Variants in TNRC6B observed in about 807,000 individuals in gnomAD.
TNRC6B encodes the protein trinucleotide repeat containing adaptor 6B.
TNRC6B carries 52 observed loss-of-function variants against 203.6 expected under a neutral mutation model. The observed-to-expected ratio is 0.26, with a 90% CI of 0.20 to 0.32. The LOEUF is 0.32. TNRC6B is among the 10% of genes least tolerant of loss of function. The pLI is 1.00. For missense variants in TNRC6B, 1,923 were observed against 2,286.2 expected (o/e 0.84, Z 3.24); for synonymous variants, 838 against 845.7 (o/e 0.99, Z 0.16).
At position 40,261,414 on chromosome 22, in the gene TNRC6B, T is replaced by G. The variant is rs145473748; in HGVS notation, c.116-418T>G. ...CAACATAGTGAAAACCTGTCTGTACTAAAAATACAAAAAATTAGCTGGTTT... is the reference window on the plus strand; with the variant it reads ...CAACATAGTGAAAACCTGTCTGTACGAAAAATACAAAAAATTAGCTGGTTT... On this transcript the variant is annotated intron_variant, in intron 3 of 22. Transcript: ENST00000454349. 4.9e-3 allele frequency among the ~76,000 whole-genome samples: 746 copies of G among 152,082 alleles called. 4 individuals are homozygous for G. The highest frequency in any genetic ancestry group is 0.017 in the African/African-American group (705 of 41,468).
At chr22:40,178,188 C>G (rs370694901) in intron 1 of TNRC6B, 48 bp downstream of exon 1, 18 of 1,603,240 alleles carry the variant, frequency 1.1e-5, no homozygotes, top group Non-Finnish European at 1.5e-5. Flanking sequence ...TTATATGGAT[C>G]TTGTCTAACC....
intron 1 of TNRC6B, among the ~76,000 whole-genome samples, chr22:40,093,033 GA>G (rs1300391501): frequency 1.3e-5 from 2 of 152,138 alleles, no homozygotes; most frequent in African/African-American, 4.8e-5. Context: ...AGATATATTT[GA>G]AAAAGAACCA....
At chr22:40,171,141 A>C (rs2068992848) in intron 4 of TNRC6B, among the ~76,000 whole-genome samples, 1 of 148,164 alleles carries the variant, frequency 6.7e-6, no homozygotes, top group Non-Finnish European at 1.5e-5. Context: ...TGTGATGAAC[A>C]TTTTATAAAT....
intron 2 of TNRC6B, among the ~76,000 whole-genome samples, chr22:40,250,801 T>C (rs557929450): frequency 1.3e-5 from 2 of 152,194 alleles, no homozygotes; most frequent in Non-Finnish European, 2.9e-5. Flanking sequence ...GTGTCTATAC[T>C]CATAGGGGAA....
intron 1 of TNRC6B, among the ~76,000 whole-genome samples, chr22:40,179,583 A>G (rs1381230124): frequency 6.6e-6 from 1 of 152,248 alleles, no homozygotes; most frequent in Non-Finnish European, 1.5e-5. Flanking sequence ...AAAGCTAATT[A>G]AGCATAAATG....
chr22:40,297,208 A>G (rs2070956144), intron 12 of TNRC6B, among the ~76,000 whole-genome samples: 1 of 152,232 alleles, frequency 6.6e-6, no homozygotes, highest in Non-Finnish European at 1.5e-5. Context: ...AGATGGAAAT[A>G]TATTGGCTAA....
intron 1 of TNRC6B, among the ~76,000 whole-genome samples, chr22:40,058,423 GCACAATGTGA>G (rs2067819560): frequency 9.0e-6 from 1 of 111,156 alleles, no homozygotes; most frequent in South Asian, 2.3e-4. Flanking sequence ...ATGTGCTTTA[GCACAATGTGA>G]CACAATGTGC....
chr22:40,322,654 C>A (rs2146581732), intron 22 of TNRC6B, among the ~76,000 whole-genome samples, 200 bp from the exon 23 acceptor site: 1 of 152,290 alleles, frequency 6.6e-6, no homozygotes, highest in East Asian at 1.9e-4. Context: ...TCTTAATTAC[C>A]TGGCGGTCTG....
At chr22:40,280,688 CTG>C (rs2070711180) in intron 10 of TNRC6B, among the ~76,000 whole-genome samples, 2 of 152,192 alleles carry the variant, frequency 1.3e-5, no homozygotes, top group South Asian at 2.1e-4. Context: ...TACCAATTTG[CTG>C]TGTTCCTGAT....
intron 1 of TNRC6B, among the ~76,000 whole-genome samples, chr22:40,197,299 A>G (rs781455355): frequency 6.7e-6 from 1 of 150,102 alleles, no homozygotes; most frequent in Admixed American, 6.6e-5. Context: ...TTTTTTTTTG[A>G]GACAGAGTCT....
chr22:40,280,426 TTTTTCCGCTGCTGTGC>T lies in TNRC6B; in HGVS notation c.3411+284_3411+299del, dbSNP rs1477860229. ...TAGAGATAAACTTACTCTGCATTCT[TTTTTCCGCTGCTGTGC>T]AGCTACAAAATAAATTTTGGGATTT... On this transcript the variant is annotated intron_variant, in intron 10 of 22. Coordinates refer to ENST00000454349, the MANE Select transcript of TNRC6B (RefSeq NM_001162501.2). 7.2e-5 allele frequency among the ~76,000 whole-genome samples: 11 copies of T among 152,372 alleles called. No individual in the cohort carries two copies. The East Asian group carries it at 1.7e-3, about 24-fold the overall frequency.
chr22:40,295,763 G>A (rs2070930785), intron 12 of TNRC6B, among the ~76,000 whole-genome samples: 1 of 152,200 alleles, frequency 6.6e-6, no homozygotes, highest in Non-Finnish European at 1.5e-5. Context: ...AGAACCTTTA[G>A]AGTTTGGTTT....
At chr22:40,094,987 T>G (rs1742146855) in intron 1 of TNRC6B, among the ~76,000 whole-genome samples, 1 of 152,214 alleles carries the variant, frequency 6.6e-6, no homozygotes, top group Admixed American at 6.5e-5. Context: ...ATCAACACTC[T>G]TTCCAAACAT....
intron 1 of TNRC6B, among the ~76,000 whole-genome samples, chr22:40,183,886 A>G (rs968825792): frequency 6.6e-6 from 1 of 152,094 alleles, no homozygotes; most frequent in Non-Finnish European, 1.5e-5. Flanking sequence ...TAGTAGATAC[A>G]GTGTTTCGGC....
intron 1 of TNRC6B, among the ~76,000 whole-genome samples, chr22:40,091,903 G>A (rs1470677218): frequency 6.6e-6 from 1 of 152,162 alleles, no homozygotes; most frequent in African/African-American, 2.4e-5. Flanking sequence ...TACTATCTGT[G>A]CAGTGTAAAA....
At chr22:40,140,945 A>G (rs1284117907) in intron 3 of TNRC6B, among the ~76,000 whole-genome samples, 1 of 152,092 alleles carries the variant, frequency 6.6e-6, no homozygotes, top group Non-Finnish European at 1.5e-5. Flanking sequence ...CCAGCCAATA[A>G]TTATATTTTT....
intron 3 of TNRC6B, among the ~76,000 whole-genome samples, chr22:40,139,959 C>T (rs2179422): frequency 0.35 from 53,118 of 152,024 alleles, 12,092 homozygotes; most frequent in African/African-American, 0.65. Flanking sequence ...AAAGCTTTAA[C>T]GTTTTAGCCC....
intron 12 of TNRC6B, among the ~76,000 whole-genome samples, chr22:40,288,223 G>A (rs914170002): frequency 6.6e-6 from 1 of 152,226 alleles, no homozygotes; most frequent in Non-Finnish European, 1.5e-5. Flanking sequence ...CCTTTTCAAC[G>A]TGGTTTACAA....
At chr22:40,320,517 G>A (rs1459669189) in intron 21 of TNRC6B, among the ~76,000 whole-genome samples, 1 of 152,154 alleles carries the variant, frequency 6.6e-6, no homozygotes, top group Non-Finnish European at 1.5e-5. Flanking sequence ...TGCAAAATAA[G>A]TTAATCAGAG....
Sources: gnomAD v4.1 joint callset for allele counts (sites outside exome capture counted in the v4.1 genomes callset) on GRCh38, gnomAD v4.1.1 for gene constraint, MANE v1.5 for transcripts, NCBI Gene and HGNC (gene_info 2026-07-23, HGNC 2026-07-21) for gene names.